The following TMEM132D variants were observed in gnomAD, a reference collection of about 807,000 sequenced individuals.
TMEM132D encodes the protein mature OL transmembrane protein.
In TMEM132D, 21 loss-of-function variants were observed where a neutral mutation model predicts 62.3. The observed-to-expected ratio is 0.34, with a 90% CI of 0.24 to 0.49. The LOEUF (loss-of-function observed/expected upper bound fraction) is 0.49. Among genes scored for constraint, TMEM132D ranks in the 20% least tolerant of loss-of-function variants. The pLI, the probability that TMEM132D is intolerant of heterozygous loss-of-function variation, is 0.99. For synonymous variants in TMEM132D, 621 were observed against 575.6 expected (o/e 1.08, Z -1.13); for missense variants, 1,346 against 1,402.8 (o/e 0.96, Z 0.65).
intron 3 of TMEM132D, among the ~76,000 whole-genome samples, chr12:129,456,364 T>C (rs1305057594): frequency 2.0e-5 from 3 of 152,152 alleles, no homozygotes; most frequent in Non-Finnish European, 2.9e-5. Context: ...TGACCATGGC[T>C]GAGGAGAGAG....
intron 1 of TMEM132D, among the ~76,000 whole-genome samples, chr12:129,701,116 A>T (rs1881375835): frequency 1.3e-5 from 2 of 152,158 alleles, no homozygotes; most frequent in Non-Finnish European, 2.9e-5. Context: ...CTCAACACAG[A>T]CTGAGATTGG....
At chr12:129,816,653 A>G (rs1333014192) in intron 1 of TMEM132D, among the ~76,000 whole-genome samples, 1 of 152,240 alleles carries the variant, frequency 6.6e-6, no homozygotes, top group East Asian at 1.9e-4. Context: ...AATGGAAGAA[A>G]GATCTATTTT....
Position 129,700,703 on chromosome 12 carries a change from G to A in TMEM132D, c.80-5C>T, listed in dbSNP as rs1339569582. The A allele has an allele frequency of 1.1e-5, 18 of 1,600,938 alleles. No homozygotes were observed. Among genetic ancestry groups the A allele is most frequent in the Admixed American group, 1.7e-5 (1 of 59,144 alleles). ...GGATCCCTCGACCTTCCGTCACTGTGGGGAGGGAATCGCAGTGCAGGCGTT... is the reference window on the plus strand; with the variant it reads ...GGATCCCTCGACCTTCCGTCACTGTAGGGAGGGAATCGCAGTGCAGGCGTT... On this transcript the variant is annotated splice_region_variant and splice_polypyrimidine_tract_variant and intron_variant, in intron 1 of 8. Coordinates refer to ENST00000422113, the MANE Select transcript of TMEM132D (RefSeq NM_133448.3).
intron 2 of TMEM132D, among the ~76,000 whole-genome samples, chr12:129,645,837 A>C (rs1879764123): frequency 1.3e-5 from 2 of 152,104 alleles, no homozygotes; most frequent in Non-Finnish European, 2.9e-5. Flanking sequence ...TGCTAAAAGA[A>C]ACTCCCACTA....
intron 4 of TMEM132D, among the ~76,000 whole-genome samples, chr12:129,220,891 G>GAAA (rs11385517): frequency 2.2e-5 from 3 of 138,994 alleles, no homozygotes; most frequent in African/African-American, 5.2e-5. Context: ...ATTTAAAAAT[G>GAAA]AAAAAAAAAA....
intron 2 of TMEM132D, among the ~76,000 whole-genome samples, chr12:129,599,110 C>A (rs565579930): frequency 6.6e-6 from 1 of 152,138 alleles, no homozygotes; most frequent in African/African-American, 2.4e-5. Context: ...GCTGAGGATG[C>A]AGAGAGGAGA....
intron 4 of TMEM132D, among the ~76,000 whole-genome samples, chr12:129,278,139 A>G (rs1403180683): frequency 5.3e-5 from 8 of 152,276 alleles, no homozygotes; most frequent in Middle Eastern, 3.4e-3. Flanking sequence ...CCCAACTCCA[A>G]TGGAAACGAT....
At chr12:129,676,642 T>C (rs1361595404) in intron 2 of TMEM132D, among the ~76,000 whole-genome samples, 3 of 152,166 alleles carry the variant, frequency 2.0e-5, no homozygotes, top group Non-Finnish European at 2.9e-5. Context: ...CACTTATTAC[T>C]GCGGGGAGGG....
chr12:129,778,111 T>A (rs1355810217), intron 1 of TMEM132D, among the ~76,000 whole-genome samples: 6 of 78,246 alleles, frequency 7.7e-5, no homozygotes, highest in African/African-American at 3.0e-4. Flanking sequence ...TGAGACCCTG[T>A]CTCAAAAAAA....
chr12:129,884,253 G>T (rs997284967), intron 1 of TMEM132D, among the ~76,000 whole-genome samples: 1 of 152,182 alleles, frequency 6.6e-6, no homozygotes, highest in Non-Finnish European at 1.5e-5. Flanking sequence ...TAATAGAAAA[G>T]AAGATAAACT....
chr12:129,393,401 A>T (rs1871342221), intron 3 of TMEM132D, among the ~76,000 whole-genome samples: 1 of 152,226 alleles, frequency 6.6e-6, no homozygotes, highest in Non-Finnish European at 1.5e-5. Flanking sequence ...CAAAATTTAG[A>T]TGCAGTGGCT....
intron 5 of TMEM132D, among the ~76,000 whole-genome samples, chr12:129,182,145 T>C (rs1878085489): frequency 6.6e-6 from 1 of 152,104 alleles, no homozygotes; most frequent in Non-Finnish European, 1.5e-5. Flanking sequence ...GTGGATCACC[T>C]GGGGTCAGGA....
At chr12:129,403,221 G>A (rs1339246541) in intron 3 of TMEM132D, among the ~76,000 whole-genome samples, 2 of 149,888 alleles carry the variant, frequency 1.3e-5, no homozygotes, top group African/African-American at 4.9e-5. Context: ...TGATATCAAA[G>A]ACTTGTCAGC....
chr12:129,084,642 C>T lies in TMEM132D; in HGVS notation c.1504G>A (p.Val502Met), dbSNP rs767934327. 82 of 1,614,050 alleles carry T rather than the reference C, an allele frequency of 5.1e-5. No homozygotes were observed. Among genetic ancestry groups the T allele is most frequent in the Non-Finnish European group, 6.9e-5 (82 of 1,180,030 alleles). Residue 502 changes from valine (V) to methionine (M), a missense_variant, in exon 6 of 9, where the codon GTG (valine) becomes ATG (methionine). Val to Met is a conservative substitution (Grantham distance 21). Transcript: ENST00000422113. ...TGCTGGTAGGTGAAGTTCACCACCA[C>T]GTTGACCTTGCCTTTCATTTCTTTC... ...NGKEMKGKVN[V>M]VVNFTYQHLS...
At chr12:129,678,034 A>T (rs991303872) in intron 2 of TMEM132D, among the ~76,000 whole-genome samples, 1 of 152,182 alleles carries the variant, frequency 6.6e-6, no homozygotes, top group African/African-American at 2.4e-5. Context: ...TAAGAATTCT[A>T]TTGTAGGAAT....
intron 5 of TMEM132D, among the ~76,000 whole-genome samples, chr12:129,164,806 C>T (rs2398453): frequency 0.53 from 80,148 of 151,756 alleles, 23,237 homozygotes; most frequent in Non-Finnish European, 0.66. Context: ...TCCCTTGACA[C>T]ATAGGGATTT....
rs79349952 is a variant in TMEM132D at position 129,556,883 on chromosome 12, A to G, written c.969-25678T>C. On this transcript the variant is annotated intron_variant, in intron 2 of 8. Coordinates refer to ENST00000422113, the MANE Select transcript of TMEM132D (RefSeq NM_133448.3). ...AAATTCTATTGGAGAGAAATGCTCCAGAATAATTTTGACAAAACTTTGTAT... is the reference window on the plus strand; with the variant it reads ...AAATTCTATTGGAGAGAAATGCTCCGGAATAATTTTGACAAAACTTTGTAT... Among the ~76,000 whole-genome samples the G allele has an allele frequency of 4.8e-3, 732 of 152,378 alleles. 14 individuals are homozygous for G. The South Asian group carries it at 0.055, about 11-fold the overall frequency.
chr12:129,573,916 G>A (rs1877587095), intron 2 of TMEM132D, among the ~76,000 whole-genome samples: 2 of 151,750 alleles, frequency 1.3e-5, no homozygotes, highest in South Asian at 4.1e-4. Context: ...GAAAAAAAAA[G>A]AGCAATAATT....
chr12:129,460,871 G>A (rs1351123293), intron 3 of TMEM132D, among the ~76,000 whole-genome samples: 1 of 152,108 alleles, frequency 6.6e-6, no homozygotes, highest in Non-Finnish European at 1.5e-5. Flanking sequence ...ATTTACAGAT[G>A]ACTGTGGATT....
Sources: gnomAD v4.1 joint callset for allele counts (sites outside exome capture counted in the v4.1 genomes callset) on GRCh38, gnomAD v4.1.1 for gene constraint, MANE v1.5 for transcripts, NCBI Gene and HGNC (gene_info 2026-07-23, HGNC 2026-07-21) for gene names.